Variants in PSPC1 observed in about 807,000 individuals in gnomAD.
The protein encoded by PSPC1 is paraspeckle protein 1.
PSPC1 carries 14 observed loss-of-function variants against 51.6 expected under a neutral mutation model. That is an observed-to-expected ratio of 0.27 (90% CI 0.18 to 0.42). The LOEUF is 0.42. Among genes scored for constraint, PSPC1 ranks in the 10% least tolerant of loss-of-function variants. PSPC1 has a pLI of 1.00. For missense variants in PSPC1, 406 were observed against 701.1 expected, an observed-to-expected ratio of 0.58 and a Z score of 4.75; for synonymous variants, 193 against 231.9, an observed-to-expected ratio of 0.83 and a Z score of 1.53.
chr13:19,699,003 G>GT (rs966674025), downstream of PSPC1, among the ~76,000 whole-genome samples: 3 of 151,752 alleles, frequency 2.0e-5, no homozygotes, highest in Admixed American at 2.0e-4. Context: ...ACCCTTAGAG[G>GT]TATTTATATT....
At chr13:19,735,253 A>G (rs1201796459) in intron 5 of PSPC1, among the ~76,000 whole-genome samples, 1 of 151,972 alleles carries the variant, frequency 6.6e-6, no homozygotes, top group African/African-American at 2.4e-5. Flanking sequence ...CAGAGGTTGC[A>G]GCGACCGAGA....
chr13:19,687,210 AAATT>A (rs1877994952), intron 6 of PSPC1, among the ~76,000 whole-genome samples: 2 of 151,298 alleles, frequency 1.3e-5, no homozygotes, highest in South Asian at 4.2e-4. Context: ...CAAAAAATTA[AAATT>A]AATATTAAAA....
chr13:19,724,487 C>T (rs955043273), intron 6 of PSPC1, among the ~76,000 whole-genome samples: 2 of 152,224 alleles, frequency 1.3e-5, no homozygotes, highest in African/African-American at 2.4e-5. Context: ...AAAGAACAGG[C>T]CAGATTGGAC....
At chr13:19,780,664 C>T (rs893508677) in intron 1 of PSPC1, among the ~76,000 whole-genome samples, 1 of 134,304 alleles carries the variant, frequency 7.4e-6, no homozygotes, top group African/African-American at 2.7e-5. Context: ...ATCAGGGACA[C>T]AAACACTGCG....
At chr13:19,746,177 G>A (rs541995913) in intron 4 of PSPC1, among the ~76,000 whole-genome samples, 1 of 151,912 alleles carries the variant, frequency 6.6e-6, no homozygotes, top group Non-Finnish European at 1.5e-5. Flanking sequence ...GCTGAGGTGG[G>A]CGGATCACGA....
chr13:19,738,703 C>G (rs1885108846), intron 5 of PSPC1, among the ~76,000 whole-genome samples: 1 of 151,936 alleles, frequency 6.6e-6, no homozygotes, highest in African/African-American at 2.4e-5. Flanking sequence ...GTCACGAGTT[C>G]GAGACCATCC....
intron 6 of PSPC1, among the ~76,000 whole-genome samples, chr13:19,715,949 GC>G (rs1224992807): frequency 6.6e-6 from 1 of 152,102 alleles, no homozygotes; most frequent in East Asian, 1.9e-4. Context: ...GGGAGGCGGA[GC>G]TTGCAGTGAG....
At chr13:19,673,542 A>C (rs1433206942), downstream of PSPC1, 2 of 186,044 alleles carry the variant, frequency 1.1e-5, no homozygotes, top group Admixed American at 5.5e-5. Context: ...TTTTTCAACT[A>C]AATTGAATCA....
intron 6 of PSPC1, chr13:19,678,416 A>G (rs1876902864): frequency 6.6e-6 from 1 of 152,314 alleles, no homozygotes; most frequent in Non-Finnish European, 1.5e-5. Flanking sequence ...TTATCCTTAT[A>G]TATGTTTTAT....
chr13:19,672,258 C>T, downstream of PSPC1: 1 of 177,262 alleles, frequency 5.6e-6, no homozygotes. Flanking sequence ...GATTCTCCTG[C>T]CTCAGCCTCC....
Position 19,759,346 on chromosome 13 carries a change from C to T in PSPC1, c.747G>A (p.Met249Ile), listed in dbSNP as rs1364376193. 6.2e-7 allele frequency: 1 copy of T among 1,613,822 alleles called. No homozygotes were observed. The highest frequency in any genetic ancestry group is 8.5e-7 in the Non-Finnish European group (1 of 1,179,888). The change falls in exon 3 of 9, where the codon ATG becomes ATA. Residue 249 changes from methionine to isoleucine, a missense_variant. Met to Ile is a conservative substitution (Grantham distance 10). Around this residue, in one of 5 missense-constraint regions of PSPC1, gnomAD observed 180 missense variants for 337.9 expected, o/e 0.53. Transcript: ENST00000338910. ...ACTTATGATATTGTTGAGTTTTCTG[C>T]ATCAGCTTCTCTGGCAAGCCATCTT... ...DDEDGLPEKL[M>I]QKTQQYHKER...
intron 6 of PSPC1, among the ~76,000 whole-genome samples, chr13:19,710,811 G>A (rs1286432274): frequency 6.6e-6 from 1 of 150,634 alleles, no homozygotes; most frequent in Non-Finnish European, 1.5e-5. Context: ...TTATTTAGAA[G>A]ATTTAAATAC....
intron 5 of PSPC1, among the ~76,000 whole-genome samples, chr13:19,740,977 C>A (rs547216530): frequency 2.6e-4 from 40 of 151,820 alleles, no homozygotes; most frequent in African/African-American, 9.4e-4. Flanking sequence ...TGGATTCAAG[C>A]GATTCTCCTG....
intron 6 of PSPC1, among the ~76,000 whole-genome samples, chr13:19,714,748 AC>A (rs1435209992): frequency 6.6e-6 from 1 of 151,636 alleles, no homozygotes; most frequent in Non-Finnish European, 1.5e-5. Context: ...ACCTGCCTCA[AC>A]CCCCCAAAGT....
chr13:19,775,052 A>T (rs1593779664), intron 1 of PSPC1, among the ~76,000 whole-genome samples: 1 of 151,926 alleles, frequency 6.6e-6, no homozygotes, highest in Admixed American at 6.6e-5. Flanking sequence ...AAAAGAAACT[A>T]AATAGGCTGG....
At chr13:19,700,633 T>C (rs550951696), downstream of PSPC1, among the ~76,000 whole-genome samples, 1 of 152,034 alleles carries the variant, frequency 6.6e-6, no homozygotes, top group Non-Finnish European at 1.5e-5. Flanking sequence ...GGAAAACAGG[T>C]GTTCCTTTAT....
intron 2 of PSPC1, among the ~76,000 whole-genome samples, chr13:19,766,288 G>A (rs564454163): frequency 2.5e-4 from 38 of 152,218 alleles, no homozygotes; most frequent in African/African-American, 8.7e-4. Context: ...CACATGAATC[G>A]CTTGAATCCA....
At chr13:19,725,466 C>G (rs529175791) in intron 6 of PSPC1, among the ~76,000 whole-genome samples, 1 of 152,246 alleles carries the variant, frequency 6.6e-6, no homozygotes, top group African/African-American at 2.4e-5. Context: ...CCCTTCAACT[C>G]TCGGATTCAG....
downstream of PSPC1, among the ~76,000 whole-genome samples, chr13:19,698,648 G>C (rs1879528283): frequency 6.6e-6 from 1 of 151,726 alleles, no homozygotes; most frequent in Non-Finnish European, 1.5e-5. Flanking sequence ...TGTACAAGCA[G>C]AATACCATCT....
Sources: allele counts gnomAD v4.1 joint callset (sites outside exome capture counted in the v4.1 genomes callset), GRCh38; gene constraint gnomAD v4.1.1; regional missense constraint gnomAD v4.1.1; transcripts MANE v1.5; gene names NCBI Gene and HGNC (gene_info 2026-07-23, HGNC 2026-07-21).